DCUN1D3: variants seen among roughly 807,000 people sequenced by gnomAD.
DCUN1D3 encodes the protein DCN1-like protein 3.
DCUN1D3 carries 6 observed loss-of-function variants against 24.8 expected under a neutral mutation model. That is an observed-to-expected ratio of 0.24 (90% CI 0.13 to 0.48). The LOEUF is 0.48. DCUN1D3 is among the 20% of genes least tolerant of loss of function. The pLI is 0.99. For missense variants in DCUN1D3, 258 were observed against 379.4 expected, an observed-to-expected ratio of 0.68 and a Z score of 2.66; for synonymous variants, 120 against 144.9, an observed-to-expected ratio of 0.83 and a Z score of 1.24.
At chr16:20,891,262 G>C (rs1179252240) in intron 1 of DCUN1D3, among the ~76,000 whole-genome samples, 1 of 152,154 alleles carries the variant, frequency 6.6e-6, no homozygotes, top group Non-Finnish European at 1.5e-5. Flanking sequence ...AAAGTGCTGG[G>C]ATTACCGGCG....
chr16:20,866,102 A>G (rs901702106), intron 1 of DCUN1D3, among the ~76,000 whole-genome samples: 2 of 152,228 alleles, frequency 1.3e-5, no homozygotes, highest in Admixed American at 6.5e-5. Context: ...CTAGTAAGCC[A>G]TAAGTACAAC....
chr16:20,861,816 C>G (rs1196537831), intron 2 of DCUN1D3, among the ~76,000 whole-genome samples: 1 of 151,800 alleles, frequency 6.6e-6, no homozygotes, highest in African/African-American at 2.4e-5. Flanking sequence ...AGACATGAAT[C>G]TCTATCAAAA....
intron 1 of DCUN1D3, among the ~76,000 whole-genome samples, chr16:20,883,990 G>A (rs1287744960): frequency 2.0e-5 from 3 of 152,156 alleles, no homozygotes; most frequent in Non-Finnish European, 4.4e-5. Flanking sequence ...TTTATTTTAG[G>A]AGTGAAAAGA....
intron 1 of DCUN1D3, among the ~76,000 whole-genome samples, chr16:20,893,832 C>T (rs535642724): frequency 1.3e-5 from 2 of 152,286 alleles, no homozygotes; most frequent in South Asian, 4.1e-4. Context: ...TGACTTGAGA[C>T]TCGTTCAGAA....
intron 1 of DCUN1D3, among the ~76,000 whole-genome samples, chr16:20,873,320 AAAAGAAG>A (rs1479348198): frequency 6.6e-6 from 1 of 152,230 alleles, no homozygotes; most frequent in Non-Finnish European, 1.5e-5. Context: ...CCCTCCAAGG[AAAAGAAG>A]AGGACAAAGA....
intron 1 of DCUN1D3, among the ~76,000 whole-genome samples, chr16:20,890,327 C>A (rs1397290071): frequency 6.6e-6 from 1 of 151,964 alleles, no homozygotes; most frequent in African/African-American, 2.4e-5. Context: ...TGAGGTAATG[C>A]GTAAGTAATA....
intron 1 of DCUN1D3, among the ~76,000 whole-genome samples, chr16:20,886,276 A>C (rs1323854297): frequency 6.6e-6 from 1 of 152,156 alleles, no homozygotes; most frequent in Non-Finnish European, 1.5e-5. Context: ...CACCACAAAG[A>C]CTTCATTGAA....
chr16:20,859,975 A>G lies in DCUN1D3; in HGVS notation c.826T>C (p.Trp276Arg), dbSNP rs2081723458. The change falls in exon 3 of 3, where the codon TGG becomes CGG. Residue 276 changes from tryptophan to arginine, a missense_variant. Coordinates refer to ENST00000324344, the MANE Select transcript of DCUN1D3 (RefSeq NM_173475.4). ...TCTCTTTTCCTTCGCTCCATTTCCC[A>G]CTCCACAAAGGTGTCAAAGAGACTT... ...WPSLFDTFVE[W>R]EMERRKREGE... 1 of 1,613,434 alleles carries G rather than the reference A, an allele frequency of 6.2e-7. No individual in the cohort carries two copies. The highest frequency in any genetic ancestry group is 1.3e-5 in the African/African-American group (1 of 74,662).
chr16:20,880,949 T>C (rs2081840709), intron 1 of DCUN1D3, among the ~76,000 whole-genome samples: 1 of 151,362 alleles, frequency 6.6e-6, no homozygotes, highest in African/African-American at 2.4e-5. Flanking sequence ...TTCAAAGCTA[T>C]TTTTTTTTAA....
rs34275241 is a variant in DCUN1D3, at chr16:20,880,604, C to CAAAAAAAA, written c.-105-17969_-105-17962dup. ...AGGGTGACAGAGTAAGACCCTGTCT[C>CAAAAAAAA]AAAAAAAAAAAAAAAAAAAAAAAAA... On this transcript the variant is annotated intron_variant, in intron 1 of 2. Transcript: ENST00000324344. Among the ~76,000 whole-genome samples the CAAAAAAAA allele has an allele frequency of 3.3e-4, 17 of 51,930 alleles. 1 individual carries two copies. The highest frequency in any genetic ancestry group is 1.2e-3 in the South Asian group (1 of 860). The allele number at this position is 51,930 out of a possible 152,430, so 34.1% of individuals were successfully genotyped here.
At chr16:20,891,363 T>A (rs982237201) in intron 1 of DCUN1D3, among the ~76,000 whole-genome samples, 1 of 151,868 alleles carries the variant, frequency 6.6e-6, no homozygotes, top group African/African-American at 2.4e-5. Flanking sequence ...GCAATTGACA[T>A]GTAACTGTTC....
At chr16:20,863,223 T>A (rs1423100498) in intron 1 of DCUN1D3, among the ~76,000 whole-genome samples, 1 of 152,216 alleles carries the variant, frequency 6.6e-6, no homozygotes, top group Admixed American at 6.5e-5. Flanking sequence ...TCTGGGCCTA[T>A]CCCACACAGT....
Position 20,859,963 on chromosome 16 carries a change from G to C in DCUN1D3, c.838C>G (p.Arg280Gly). ...FDTFVEWEMERRKREGEGRGA... is the reference protein window; with the variant it reads ...FDTFVEWEMEGRKREGEGRGA... ...CTCCCTTCCCCTTCTCTTTTCCTTC[G>C]CTCCATTTCCCACTCCACAAAGGTG... is the stretch of plus-strand genomic sequence containing the variant. Residue 280 changes from arginine to glycine, a missense_variant, in exon 3 of 3, where the codon CGA becomes GGA. Arg to Gly is a moderately radical substitution (Grantham distance 125, BLOSUM62 -2). Transcript: ENST00000324344. 1 of 1,614,074 alleles carries C rather than the reference G, an allele frequency of 6.2e-7. No homozygotes were observed. The highest frequency in any genetic ancestry group is 8.5e-7 in the Non-Finnish European group (1 of 1,180,020).
Position 20,862,596 on chromosome 16 carries a change from G to A in DCUN1D3, c.-58C>T, listed in dbSNP as rs2081739462. ...CTCTGGATTGGATGCCCTCGCTGCC[G>A]CTGGCCCATGTACCTCAACATGCCA... On this transcript the variant is annotated 5_prime_UTR_variant, in exon 2 of 3. Transcript: ENST00000324344. The A allele has an allele frequency of 8.4e-6, 13 of 1,540,472 alleles. No individual in the cohort carries two copies. Among genetic ancestry groups the A allele is most frequent in the Admixed American group, 7.7e-5 (4 of 51,744 alleles).
intron 1 of DCUN1D3, among the ~76,000 whole-genome samples, chr16:20,867,495 A>G (rs534773017): frequency 2.6e-5 from 4 of 152,340 alleles, no homozygotes; most frequent in African/African-American, 9.6e-5. Context: ...AGCACAGTTA[A>G]AAGCTCCAGC....
intron 1 of DCUN1D3, among the ~76,000 whole-genome samples, chr16:20,899,455 G>C (rs1316437702): frequency 6.6e-6 from 1 of 152,168 alleles, no homozygotes; most frequent in Non-Finnish European, 1.5e-5. Context: ...AAAGCTTACA[G>C]TTAAGATCTG....
intron 1 of DCUN1D3, among the ~76,000 whole-genome samples, chr16:20,874,709 T>G (rs1414274189): frequency 6.6e-6 from 1 of 152,210 alleles, no homozygotes; most frequent in Non-Finnish European, 1.5e-5. Context: ...GAAGAGCCTA[T>G]TAAGAAAGTG....
intron 1 of DCUN1D3, among the ~76,000 whole-genome samples, chr16:20,863,774 A>T (rs1007246964): frequency 2.0e-5 from 3 of 152,172 alleles, no homozygotes; most frequent in African/African-American, 7.2e-5. Flanking sequence ...AAAAACAGGC[A>T]CACAGACCAA....
At chr16:20,889,431 T>C (rs1485816204) in intron 1 of DCUN1D3, among the ~76,000 whole-genome samples, 1 of 152,104 alleles carries the variant, frequency 6.6e-6, no homozygotes, top group Admixed American at 6.5e-5. Context: ...TAAGCTGGTT[T>C]CTTGCATTAG....
Sources: gnomAD v4.1 joint callset for allele counts (sites outside exome capture counted in the v4.1 genomes callset) on GRCh38, gnomAD v4.1.1 for gene constraint, MANE v1.5 for transcripts, NCBI Gene and HGNC (gene_info 2026-07-23, HGNC 2026-07-21) for gene names.